Variants in FAF1 observed in about 807,000 individuals in gnomAD.
The protein encoded by FAF1 is Fas associated factor 1, also known as FAS-associated factor 1.
A neutral mutation model predicts 92.5 loss-of-function variants in FAF1; 25 were observed. The ratio of observed to expected loss-of-function variants is 0.27; its 90% CI spans 0.20 to 0.38. FAF1 has a LOEUF of 0.38. Among genes scored for constraint, FAF1 ranks in the 10% least tolerant of loss-of-function variants. FAF1 has a pLI of 1.00. For missense variants in FAF1, 636 were observed against 793.3 expected, an observed-to-expected ratio of 0.80 and a Z score of 2.38; for synonymous variants, 234 against 273.2, an observed-to-expected ratio of 0.86 and a Z score of 1.42.
intron 2 of FAF1, among the ~76,000 whole-genome samples, chr1:50,820,778 G>T (rs1644036067): frequency 6.6e-6 from 1 of 151,910 alleles, no homozygotes; most frequent in Non-Finnish European, 1.5e-5. Flanking sequence ...ATTTCACTTA[G>T]CATAATGTCT....
At chr1:50,683,768 A>G (rs928623563) in intron 7 of FAF1, among the ~76,000 whole-genome samples, 1 of 151,650 alleles carries the variant, frequency 6.6e-6, no homozygotes, top group African/African-American at 2.4e-5. Flanking sequence ...CCCCGTCTCT[A>G]CTAAAAATAC....
chr1:50,669,887 C>T (rs981460379), intron 7 of FAF1, among the ~76,000 whole-genome samples: 1 of 152,030 alleles, frequency 6.6e-6, no homozygotes, highest in Non-Finnish European at 1.5e-5. Context: ...TTTGGGAGGC[C>T]AAGGCGGGCG....
At chr1:50,655,317 T>A in intron 8 of FAF1, 125 bp downstream of exon 8, 1 of 739,154 alleles carries the variant, frequency 1.4e-6, no homozygotes, top group Non-Finnish European at 2.4e-6. Flanking sequence ...CCACCGTGCC[T>A]GGCTAGATAA....
At chr1:50,647,375 C>T (rs184122432) in intron 8 of FAF1, among the ~76,000 whole-genome samples, 17 of 152,310 alleles carry the variant, frequency 1.1e-4, no homozygotes, top group Admixed American at 8.5e-4. Flanking sequence ...TTCTGTACCT[C>T]GCTTCTTTCT....
At chr1:50,599,751 CT>C (rs938290782) in intron 8 of FAF1, among the ~76,000 whole-genome samples, 2 of 152,068 alleles carry the variant, frequency 1.3e-5, no homozygotes, top group South Asian at 2.1e-4. Flanking sequence ...GAATCAGCCA[CT>C]TTTTTTCAGA....
chr1:50,574,896 C>CTT (rs1558000811), intron 12 of FAF1, among the ~76,000 whole-genome samples: 1 of 122,886 alleles, frequency 8.1e-6, no homozygotes, highest in African/African-American at 3.3e-5. Flanking sequence ...GTTGTATTAA[C>CTT]TCTTTTTTTT....
chr1:50,542,071 A>G lies in FAF1; in HGVS notation c.1269-2343T>C, dbSNP rs1025872493. Among the ~76,000 whole-genome samples, 6 of 152,156 alleles carry G rather than the reference A, an allele frequency of 3.9e-5. No individual in the cohort carries two copies. The East Asian group carries it at 1.2e-3, about 29-fold the overall frequency. ...CTGCTAGTTATTGGAAAATCACTCT[A>G]ATTTTTTGGAAGTAGTTGGGAGATA... On this transcript the variant is annotated intron_variant, in intron 13 of 18. Transcript: ENST00000396153.
intron 6 of FAF1, among the ~76,000 whole-genome samples, chr1:50,730,659 C>T (rs1388801209): frequency 6.6e-6 from 1 of 152,240 alleles, no homozygotes; most frequent in Admixed American, 6.5e-5. Context: ...CTCCGCTACT[C>T]TTGACAGAGT....
At chr1:50,664,333 G>A (rs1655525617) in intron 7 of FAF1, among the ~76,000 whole-genome samples, 1 of 151,270 alleles carries the variant, frequency 6.6e-6, no homozygotes, top group Non-Finnish European at 1.5e-5. Flanking sequence ...AAGTGTGACT[G>A]CTTCCTGGTC....
At chr1:50,558,097 C>T (rs1161499205) in intron 13 of FAF1, among the ~76,000 whole-genome samples, 1 of 151,930 alleles carries the variant, frequency 6.6e-6, no homozygotes, top group Non-Finnish European at 1.5e-5. Context: ...CAGGGTTTCA[C>T]TATGTTGGCC....
intron 2 of FAF1, among the ~76,000 whole-genome samples, chr1:50,807,231 A>G (rs190264824): frequency 1.4e-3 from 213 of 152,366 alleles, no homozygotes; most frequent in Middle Eastern, 0.014. Flanking sequence ...CAATTTTAAA[A>G]CACGGTCACA....
chr1:50,952,550 C>G (rs1480945264), intron 1 of FAF1, among the ~76,000 whole-genome samples: 1 of 152,214 alleles, frequency 6.6e-6, no homozygotes. Context: ...AAGTGAGGAG[C>G]GTCTCTGCCT....
At chr1:50,890,260 C>T (rs1644707764) in intron 1 of FAF1, among the ~76,000 whole-genome samples, 1 of 152,148 alleles carries the variant, frequency 6.6e-6, no homozygotes, top group Non-Finnish European at 1.5e-5. Flanking sequence ...TGTGTCTCTG[C>T]ACGTGAGATG....
chr1:50,516,602 C>T (rs1489211556), intron 15 of FAF1, among the ~76,000 whole-genome samples: 1 of 152,104 alleles, frequency 6.6e-6, no homozygotes, highest in African/African-American at 2.4e-5. Context: ...AGTGAGTAGG[C>T]AGGTATATGT....
chr1:50,822,663 A>G lies in FAF1; in HGVS notation c.115-20986T>C, dbSNP rs1205465974. Among the ~76,000 whole-genome samples, 3 of 152,150 alleles carry G rather than the reference A, an allele frequency of 2.0e-5. No individual in the cohort carries two copies. In the East Asian group the frequency reaches 5.8e-4, roughly 29 times the overall value. On this transcript the variant is annotated intron_variant, in intron 2 of 18. Coordinates refer to ENST00000396153, the MANE Select transcript of FAF1 (RefSeq NM_007051.3). ...GGAGAGGAAAGGAAGATTGTCAACT[A>G]ATAGTCCTTTCCCAGATTGAATTTG...
At chr1:50,502,029 G>A (rs1007393559) in intron 15 of FAF1, among the ~76,000 whole-genome samples, 1 of 152,162 alleles carries the variant, frequency 6.6e-6, no homozygotes, top group Non-Finnish European at 1.5e-5. Context: ...CAGCAGTAGT[G>A]GCTTTTATTG....
intron 13 of FAF1, among the ~76,000 whole-genome samples, chr1:50,563,041 C>A (rs994655321): frequency 6.6e-6 from 1 of 152,120 alleles, no homozygotes; most frequent in Non-Finnish European, 1.5e-5. Context: ...AGAGACGACT[C>A]AAAGTAGATG....
intron 8 of FAF1, among the ~76,000 whole-genome samples, chr1:50,607,126 CT>C (rs557906388): frequency 2.6e-5 from 4 of 151,306 alleles, no homozygotes; most frequent in Non-Finnish European, 5.9e-5. Flanking sequence ...TGTAAGCCAC[CT>C]TTTTTTTTCC....
rs571899950 is a variant in FAF1 at position 50,590,892 on chromosome 1, G to T, written c.840+5229C>A. 2.6e-4 allele frequency among the ~76,000 whole-genome samples: 39 copies of T among 151,908 alleles called. No individual in the cohort carries two copies. In the South Asian group the frequency reaches 7.5e-3, roughly 29 times the overall value. ...AGCTACTCAGGAGGCTGAGGCAGGAGAATCACTTGAACCCAGGAGGCGGAG... is the reference window on the plus strand; with the variant it reads ...AGCTACTCAGGAGGCTGAGGCAGGATAATCACTTGAACCCAGGAGGCGGAG... On this transcript the variant is annotated intron_variant, in intron 9 of 18. Transcript: ENST00000396153.
Sources: gnomAD v4.1 joint callset for allele counts (sites outside exome capture counted in the v4.1 genomes callset) on GRCh38, gnomAD v4.1.1 for gene constraint, MANE v1.5 for transcripts, NCBI Gene and HGNC (gene_info 2026-07-23, HGNC 2026-07-21) for gene names.